ZDHHC3: variants seen among roughly 807,000 people sequenced by gnomAD.
The protein encoded by ZDHHC3 is palmitoyltransferase ZDHHC3.
In ZDHHC3, 9 loss-of-function variants were observed where a neutral mutation model predicts 30.6. The ratio of observed to expected loss-of-function variants is 0.29; its 90% CI spans 0.18 to 0.51. ZDHHC3 has a LOEUF of 0.51. ZDHHC3 is among the 20% of genes least tolerant of loss of function. The pLI, the probability that ZDHHC3 is intolerant of heterozygous loss-of-function variation, is 0.97. For missense variants in ZDHHC3, 246 were observed against 384.2 expected (o/e 0.64, Z 3.01); for synonymous variants, 136 against 140.2 (o/e 0.97, Z 0.21).
intron 4 of ZDHHC3, 123 bp from the exon 5 acceptor site, chr3:44,933,322 G>C: frequency 3.5e-6 from 3 of 851,368 alleles, no homozygotes; most frequent in Non-Finnish European, 3.8e-6. Flanking sequence ...GGCCTGACCA[G>C]GAGGGACCAG....
intron 3 of ZDHHC3, chr3:44,938,166 T>G (rs200698581): frequency 9.8e-6 from 2 of 203,820 alleles, no homozygotes; most frequent in African/African-American, 4.7e-5. Flanking sequence ...GTATTTTTAG[T>G]GGAGACGGGG....
At chr3:44,945,500 T>C (rs1380514907) in intron 2 of ZDHHC3, among the ~76,000 whole-genome samples, 1 of 152,188 alleles carries the variant, frequency 6.6e-6, no homozygotes, top group Non-Finnish European at 1.5e-5. Context: ...GAGATGCCAT[T>C]AGGCCACATT....
Position 44,918,229 on chromosome 3 carries a change from G to A in ZDHHC3, c.*8460C>T, listed in dbSNP as rs887205813. The A allele has an allele frequency of 9.3e-7, 1 of 1,080,842 alleles. No individual in the cohort carries two copies. The highest frequency in any genetic ancestry group is 1.1e-6 in the Non-Finnish European group (1 of 883,880). The allele number at this position is 1,080,842 out of a possible 1,614,324, so 67.0% of individuals were successfully genotyped here. On this transcript the variant is annotated 3_prime_UTR_variant, in exon 7 of 7. Coordinates refer to ENST00000424952, the MANE Select transcript of ZDHHC3 (RefSeq NM_001135179.2). ...AGACACCCCCAGCTATAGCATAGCA[G>A]TGGCGGGGGGGGGGGCGGGGTGTCC...
At chr3:44,939,689 C>T (rs1317891155) in intron 3 of ZDHHC3, among the ~76,000 whole-genome samples, 1 of 152,256 alleles carries the variant, frequency 6.6e-6, no homozygotes, top group East Asian at 1.9e-4. Context: ...AGAGTTTAAA[C>T]AAGCTCTTAC....
chr3:44,958,280 G>C (rs1358600452), intron 2 of ZDHHC3, among the ~76,000 whole-genome samples: 1 of 152,124 alleles, frequency 6.6e-6, no homozygotes, highest in Non-Finnish European at 1.5e-5. Context: ...ACAAGAACTA[G>C]CTCAGGCCCA....
intron 2 of ZDHHC3, among the ~76,000 whole-genome samples, chr3:44,954,120 A>G (rs1045665506): frequency 1.3e-5 from 2 of 152,144 alleles, no homozygotes; most frequent in Non-Finnish European, 2.9e-5. Context: ...GGCAGCTGAA[A>G]TGAAAATCAG....
chr3:44,924,956 G>T lies in ZDHHC3; in HGVS notation c.*1733C>A. 1 of 985,578 alleles carries T rather than the reference G, an allele frequency of 1.0e-6. No homozygotes were observed. Among genetic ancestry groups the T allele is most frequent in the Non-Finnish European group, 1.2e-6 (1 of 829,948 alleles). The allele number at this position is 985,578 out of a possible 1,614,324, so 61.1% of individuals were successfully genotyped here. On this transcript the variant is annotated 3_prime_UTR_variant, in exon 7 of 7. Transcript: ENST00000424952. ...GAGAGCCCATCAGCACAAAGGAATT[G>T]ATTCAGGCTGCAGAAAGCAAAGGAA...
chr3:44,961,566 C>A (rs533258949), intron 1 of ZDHHC3, among the ~76,000 whole-genome samples: 143 of 152,244 alleles, frequency 9.4e-4, no homozygotes, highest in African/African-American at 3.3e-3. Flanking sequence ...TTCTGAAGCA[C>A]CAAACAGGAC....
intron 2 of ZDHHC3, among the ~76,000 whole-genome samples, chr3:44,945,716 C>T (rs973260679): frequency 2.0e-5 from 3 of 151,946 alleles, no homozygotes. Context: ...CGCCACCACG[C>T]CCAGCTAATT....
In ZDHHC3 at chr3:44,921,300, TG is replaced by T; in HGVS notation, c.*5388del. 1.0e-6 allele frequency: 1 copy of T among 985,416 alleles called. No individual in the cohort carries two copies. The highest frequency in any genetic ancestry group is 1.2e-6 in the Non-Finnish European group (1 of 829,926). The allele number at this position is 985,416 out of a possible 1,614,324, so 61.0% of individuals were successfully genotyped here. ...CGAGAACAGGCTGTTCCCTGCTCCCTGTATCATCAGATGTAGAAAGCCAGAG... is the reference window on the plus strand; with the variant it reads ...CGAGAACAGGCTGTTCCCTGCTCCCTTATCATCAGATGTAGAAAGCCAGAG... On this transcript the variant is annotated 3_prime_UTR_variant, in exon 7 of 7. Coordinates refer to ENST00000424952, the MANE Select transcript of ZDHHC3 (RefSeq NM_001135179.2).
intron 1 of ZDHHC3, among the ~76,000 whole-genome samples, chr3:44,961,174 C>T (rs539613353): frequency 3.3e-4 from 50 of 152,304 alleles, no homozygotes; most frequent in African/African-American, 9.6e-4. Flanking sequence ...GGGTGGATCA[C>T]GAGGTCAGGA....
chr3:44,960,636 TG>T, intron 1 of ZDHHC3, among the ~76,000 whole-genome samples: 1 of 152,212 alleles, frequency 6.6e-6, no homozygotes, highest in Non-Finnish European at 1.5e-5. Flanking sequence ...AGTTAGAAAC[TG>T]TGATGGCTCA....
chr3:44,956,538 G>A (rs773876861), intron 2 of ZDHHC3, among the ~76,000 whole-genome samples: 8 of 152,198 alleles, frequency 5.3e-5, no homozygotes, highest in Non-Finnish European at 1.0e-4. Flanking sequence ...GAGCTCTAAA[G>A]CATTCGAATA....
chr3:44,921,560 A>C lies in ZDHHC3; in HGVS notation c.*5129T>G, dbSNP rs1700596197. The C allele has an allele frequency of 2.0e-6, 2 of 985,346 alleles. No homozygotes were observed. Among genetic ancestry groups the C allele is most frequent in the African/African-American group, 3.5e-5 (2 of 57,246 alleles). The allele number at this position is 985,346 out of a possible 1,614,324, so 61.0% of individuals were successfully genotyped here. On this transcript the variant is annotated 3_prime_UTR_variant, in exon 7 of 7. Transcript: ENST00000424952. ...AAAAACATGCTGGTTGCAAACCATG[A>C]ATGGCTGTGACCAATGGTTTGAAAA...
At position 44,959,639 on chromosome 3, in the gene ZDHHC3, A is replaced by C. The variant is rs972839592; in HGVS notation, c.-24-179T>G. Among the ~76,000 whole-genome samples the C allele has an allele frequency of 2.6e-5, 4 of 152,222 alleles. No individual in the cohort carries two copies. Among genetic ancestry groups the C allele is most frequent in the African/African-American group, 9.6e-5 (4 of 41,470 alleles). On this transcript the variant is annotated intron_variant, in intron 1 of 6. Coordinates refer to ENST00000424952, the MANE Select transcript of ZDHHC3 (RefSeq NM_001135179.2). The surrounding 1 kb of genome is among the most constrained non-coding windows in gnomAD (Gnocchi z 4.3). Reference sequence around the variant, plus strand: ...CTTCCCTGATTCTGAGAGTCAATTTAGCCTTCTTGAAACAGGGCCTTCACA... The same window carrying C: ...CTTCCCTGATTCTGAGAGTCAATTTCGCCTTCTTGAAACAGGGCCTTCACA...
In ZDHHC3 at chr3:44,921,379, CTG is replaced by C; in HGVS notation, c.*5308_*5309del. 31 of 985,452 alleles carry C rather than the reference CTG, an allele frequency of 3.1e-5. No individual in the cohort carries two copies. Among genetic ancestry groups the C allele is most frequent in the Non-Finnish European group, 3.7e-5 (31 of 829,934 alleles). The allele number at this position is 985,452 out of a possible 1,614,324, so 61.0% of individuals were successfully genotyped here. A position where few individuals can be genotyped will look rare whatever the true frequency, so the allele number is the denominator to read the frequency against. ...TCTCTTCATAGCGGGCCAGATAACA[CTG>C]TCTCTCCTCATCAGAGATTTCATAC... On this transcript the variant is annotated 3_prime_UTR_variant, in exon 7 of 7. Coordinates refer to ENST00000424952, the MANE Select transcript of ZDHHC3 (RefSeq NM_001135179.2).
At position 44,925,207 on chromosome 3, in the gene ZDHHC3, T is replaced by C; in HGVS notation, c.*1482A>G. 1 of 985,870 alleles carries C rather than the reference T, an allele frequency of 1.0e-6. No homozygotes were observed. Among genetic ancestry groups the C allele is most frequent in the Non-Finnish European group, 1.2e-6 (1 of 829,948 alleles). 61.1% of individuals were successfully genotyped at this position (985,870 alleles called of 1,614,324 possible). A position where few individuals can be genotyped will look rare whatever the true frequency, so the allele number is the denominator to read the frequency against. On this transcript the variant is annotated 3_prime_UTR_variant, in exon 7 of 7. Transcript: ENST00000424952. ...AATTTTATTGCATTTTGTTTCCATGTGGAAGCACTGACAGAATTGAAAAGT... is the reference window on the plus strand; with the variant it reads ...AATTTTATTGCATTTTGTTTCCATGCGGAAGCACTGACAGAATTGAAAAGT...
chr3:44,964,594 G>A (rs891072491), intron 1 of ZDHHC3, among the ~76,000 whole-genome samples: 2 of 152,210 alleles, frequency 1.3e-5, no homozygotes, highest in African/African-American at 2.4e-5. Context: ...AAGTTTCTGA[G>A]GAAAGTTGTG....
Position 44,918,927 on chromosome 3 carries a change from ACCCT to A in ZDHHC3, c.*7758_*7761del, listed in dbSNP as rs1700401619. ...ACAACACCCTGCACAGAGGCCTTTG[ACCCT>A]CCACTGGGGGCACTGCTTTCTCCAT... On this transcript the variant is annotated 3_prime_UTR_variant, in exon 7 of 7. Coordinates refer to ENST00000424952, the MANE Select transcript of ZDHHC3 (RefSeq NM_001135179.2). 6.1e-6 allele frequency: 6 copies of A among 985,266 alleles called. No individual in the cohort carries two copies. Among genetic ancestry groups the A allele is most frequent in the Non-Finnish European group, 7.2e-6 (6 of 829,984 alleles). 61.0% of individuals were successfully genotyped at this position (985,266 alleles called of 1,614,324 possible). A position where few individuals can be genotyped will look rare whatever the true frequency, so the allele number is the denominator to read the frequency against.
Sources: gnomAD v4.1 joint callset for allele counts (sites outside exome capture counted in the v4.1 genomes callset) on GRCh38, gnomAD v4.1.1 for gene constraint, Gnocchi (gnomAD v3.1) non-coding constraint, MANE v1.5 for transcripts, NCBI Gene and HGNC (gene_info 2026-07-23, HGNC 2026-07-21) for gene names.